MCM9: variants seen among roughly 807,000 people sequenced by gnomAD.
MCM9 encodes minichromosome maintenance 9 homologous recombination repair factor.
MCM9 carries 55 observed loss-of-function variants against 72.8 expected under a neutral mutation model. The observed-to-expected ratio is 0.76, with a 90% CI of 0.61 to 0.95. The LOEUF is 0.95. Among genes scored for constraint, MCM9 ranks in the 40% least tolerant of loss-of-function variants. MCM9 has a pLI of 0.00. For missense variants in MCM9, 1,279 were observed against 1,377.0 expected (o/e 0.93, Z 1.13); for synonymous variants, 480 against 503.4 (o/e 0.95, Z 0.62).
chr6:118,911,953 G>A, intron 7 of MCM9, 184 bp from the exon 8 acceptor site: 1 of 450,264 alleles, frequency 2.2e-6, no homozygotes, highest in Non-Finnish European at 3.9e-6. Flanking sequence ...TACTCAATGT[G>A]ACATAGAATC....
At chr6:118,855,355 C>T (rs1776486942) in intron 9 of MCM9, among the ~76,000 whole-genome samples, 1 of 152,160 alleles carries the variant, frequency 6.6e-6, no homozygotes, top group African/African-American at 2.4e-5. Context: ...CCGTGAATAC[C>T]TGAAGGACAA....
At position 118,872,936 on chromosome 6, in the gene MCM9, A is replaced by T. The variant is rs138697643; in HGVS notation, c.1151-16391T>A. Among the ~76,000 whole-genome samples, 464 of 152,122 alleles carry T rather than the reference A, an allele frequency of 3.1e-3. 3 individuals carry two copies. The highest frequency in any genetic ancestry group is 0.011 in the African/African-American group (444 of 41,518). On this transcript the variant is annotated intron_variant, in intron 8 of 13. Transcript: ENST00000619706. ...GTAATCTCAGCATTTTGCAGAGCTG[A>T]GGTGAGAGGATCTCTTGAGCTCGGA...
At chr6:118,861,769 A>G (rs1484405837) in intron 8 of MCM9, among the ~76,000 whole-genome samples, 6 of 152,090 alleles carry the variant, frequency 3.9e-5, no homozygotes, top group Admixed American at 3.3e-4. Context: ...ATAAGTTCTC[A>G]CTTCAGGTTG....
chr6:118,894,980 AGCGACCCCG>A lies in MCM9; in HGVS notation c.1150+16661_1150+16669del, dbSNP rs199897142. ...CTTACCCCGAGTCGAGAATTGGGCC[AGCGACCCCG>A]GCGCACGGCGCCTCCTCTTGCCCCG... On this transcript the variant is annotated intron_variant, in intron 8 of 13. Coordinates refer to ENST00000619706, the MANE Select transcript of MCM9 (RefSeq NM_017696.3). Among the ~76,000 whole-genome samples, 1,144 of 152,114 alleles carry A rather than the reference AGCGACCCCG, an allele frequency of 7.5e-3. 8 individuals carry two copies. Among genetic ancestry groups the A allele is most frequent in the South Asian group, 0.029 (138 of 4,826 alleles).
At chr6:118,895,782 G>A (rs1348488337) in intron 8 of MCM9, among the ~76,000 whole-genome samples, 2 of 152,130 alleles carry the variant, frequency 1.3e-5, no homozygotes, top group East Asian at 1.9e-4. Context: ...CTTTGAACTA[G>A]AAGTATATGT....
At chr6:118,837,939 A>C (rs967586403) in intron 9 of MCM9, among the ~76,000 whole-genome samples, 2 of 152,152 alleles carry the variant, frequency 1.3e-5, no homozygotes, top group African/African-American at 4.8e-5. Flanking sequence ...TAGTTGATGC[A>C]GTTTCTTCAT....
chr6:118,838,454 C>T lies in MCM9; in HGVS notation c.1326-9204G>A, dbSNP rs376027987. ...GACTACAGGCACCTGCCACCACGCC[C>T]GGCTTTTTTGTATTTTTATTAGAGA... On this transcript the variant is annotated intron_variant, in intron 9 of 13. Coordinates refer to ENST00000619706, the MANE Select transcript of MCM9 (RefSeq NM_017696.3). Among the ~76,000 whole-genome samples, 167 of 142,490 alleles carry T rather than the reference C, an allele frequency of 1.2e-3. 2 individuals are homozygous for T. In the East Asian group the frequency reaches 0.024, roughly 20 times the overall value. 93.5% of individuals were successfully genotyped at this position (142,490 alleles called of 152,430 possible). A position where few individuals can be genotyped will look rare whatever the true frequency, so the allele number is the denominator to read the frequency against.
chr6:118,902,528 C>CTT (rs33980013), intron 8 of MCM9, among the ~76,000 whole-genome samples: 5,323 of 131,408 alleles, frequency 0.041, 300 homozygotes, highest in African/African-American at 0.11. Flanking sequence ...ACTGATAATA[C>CTT]TTTTTTTTTT....
intron 9 of MCM9, among the ~76,000 whole-genome samples, chr6:118,855,223 CT>C (rs1212617149): frequency 2.6e-5 from 4 of 152,176 alleles, no homozygotes; most frequent in African/African-American, 9.6e-5. Flanking sequence ...ACTTAATAAA[CT>C]ATACTTCTGA....
Position 118,838,701 on chromosome 6 carries a change from G to A in MCM9, c.1326-9451C>T, listed in dbSNP as rs565927354. Among the ~76,000 whole-genome samples the A allele has an allele frequency of 1.3e-4, 20 of 152,324 alleles. No individual in the cohort carries two copies. The East Asian group carries it at 1.4e-3, about 10-fold the overall frequency. ...CTCCCAAAGTGCTGGGATTAGAGGC[G>A]TGAGCCACTGTGCCCGGCCGAAAAT... On this transcript the variant is annotated intron_variant, in intron 9 of 13. Transcript: ENST00000619706.
At chr6:118,927,241 C>T (rs1029864629) in intron 3 of MCM9, among the ~76,000 whole-genome samples, 3 of 152,172 alleles carry the variant, frequency 2.0e-5, no homozygotes, top group Non-Finnish European at 4.4e-5. Flanking sequence ...TGTGGTGTTA[C>T]TCTGACGTTA....
At position 118,826,219 on chromosome 6, in the gene MCM9, C is replaced by G. The variant is rs1774157752; in HGVS notation, c.1889G>C (p.Arg630Thr). The G allele has an allele frequency of 3.2e-6, 5 of 1,550,428 alleles. No individual in the cohort carries two copies. Among genetic ancestry groups the G allele is most frequent in the Non-Finnish European group, 3.5e-6 (4 of 1,146,968 alleles). The change falls in exon 13 of 14, where the codon AGA becomes ACA. Residue 630 changes from arginine to threonine, a missense_variant. By Grantham distance (71) the Arg-to-Thr change is moderately conservative. Transcript: ENST00000619706. ...CTTTTCCAGAATAAGTTCACACTGT[C>G]TCTGGTACTGCTCTCCAGGGTTTTC... ...FPENPGEQYQ[R>T]QCELILEKLE...
Position 118,931,556 on chromosome 6 carries a change from T to G in MCM9, c.168A>C (p.Glu56Asp). 1 of 1,614,152 alleles carries G rather than the reference T, an allele frequency of 6.2e-7. No homozygotes were observed. The highest frequency in any genetic ancestry group is 1.1e-5 in the South Asian group (1 of 91,080). ...TLFETNMEIG[E>D]YFNMFPSEVL... is the part of the protein sequence containing the mutation. ...CTTCACTGGGGAACATGTTGAAATA[T>G]TCCCCGATTTCCATGTTGGTCTCAA... Residue 56 changes from glutamate to aspartate, a missense_variant, in exon 3 of 14, where the codon GAA (glutamate) becomes GAC (aspartate). Coordinates refer to ENST00000619706, the MANE Select transcript of MCM9 (RefSeq NM_017696.3).
intron 8 of MCM9, among the ~76,000 whole-genome samples, chr6:118,889,872 A>C (rs1778834719): frequency 1.3e-5 from 2 of 152,228 alleles, no homozygotes; most frequent in Admixed American, 1.3e-4. Flanking sequence ...TACCTTCAAC[A>C]AACTTCTAAC....
chr6:118,872,627 C>G (rs1777677001), intron 8 of MCM9, among the ~76,000 whole-genome samples: 1 of 151,468 alleles, frequency 6.6e-6, no homozygotes, highest in South Asian at 2.1e-4. Context: ...CAATCTACCT[C>G]TACAGAAAAA....
At chr6:118,874,589 C>A (rs554642454) in intron 8 of MCM9, among the ~76,000 whole-genome samples, 5 of 152,018 alleles carry the variant, frequency 3.3e-5, no homozygotes, top group Non-Finnish European at 7.4e-5. Flanking sequence ...TTAGCTAATA[C>A]AATAAGATGA....
At chr6:118,824,629 A>G (rs2114534054) in intron 13 of MCM9, among the ~76,000 whole-genome samples, 1 of 152,338 alleles carries the variant, frequency 6.6e-6, no homozygotes, top group South Asian at 2.1e-4. Context: ...TTTGAGGCAC[A>G]TAGAATGGCC....
At position 118,892,787 on chromosome 6, in the gene MCM9, CAAAA is replaced by C. The variant is rs573580796; in HGVS notation, c.1150+18859_1150+18862del. Among the ~76,000 whole-genome samples the C allele has an allele frequency of 3.7e-3, 566 of 152,070 alleles. 4 individuals are homozygous for C. Among genetic ancestry groups the C allele is most frequent in the Non-Finnish European group, 4.7e-3 (319 of 67,940 alleles). ...TATATCTAACTGTTCAATCCACTGA[CAAAA>C]AAAGGGAACTCTTCCCCACTCTAAC... On this transcript the variant is annotated intron_variant, in intron 8 of 13. Transcript: ENST00000619706.
In MCM9 at chr6:118,827,958, C is replaced by G; in HGVS notation, c.1701G>C (p.Arg567=). The change falls in exon 11 of 14, where the codon CGG becomes CGC. Residue 567 remains arginine (R), a synonymous_variant. Coordinates refer to ENST00000619706, the MANE Select transcript of MCM9 (RefSeq NM_017696.3). The part of the protein sequence containing the change: ...DCRNAARTTI[R]LLESLIRLAE... ...CTAATCGTATCAAGCTTTCCAACAG[C>G]CGAATGGTGGTCCGGGCAGCGTTCC... 2 of 1,551,036 alleles carry G rather than the reference C, an allele frequency of 1.3e-6. No homozygotes were observed. Among genetic ancestry groups the G allele is most frequent in the Non-Finnish European group, 1.7e-6 (2 of 1,147,090 alleles).
Sources: allele counts gnomAD v4.1 joint callset (sites outside exome capture counted in the v4.1 genomes callset), GRCh38; gene constraint gnomAD v4.1.1; transcripts MANE v1.5; gene names NCBI Gene and HGNC (gene_info 2026-07-23, HGNC 2026-07-21).